MYO15A: variants seen among roughly 807,000 people sequenced by gnomAD.
MYO15A encodes the protein myosin XVA.
In MYO15A, 308 loss-of-function variants were observed where a neutral mutation model predicts 394.6. The ratio of observed to expected loss-of-function variants is 0.78; its 90% CI spans 0.71 to 0.86. The LOEUF (loss-of-function observed/expected upper bound fraction) is 0.86. Ranked by LOEUF, MYO15A falls within the 40% of genes least tolerant of loss-of-function variation. The pLI is 0.00. For synonymous variants in MYO15A, 1,957 were observed against 2,003.8 expected, an observed-to-expected ratio of 0.98 and a Z score of 0.62; for missense variants, 4,606 against 4,799.1, an observed-to-expected ratio of 0.96 and a Z score of 1.19.
At position 18,137,624 on chromosome 17, in the gene MYO15A, A is replaced by C; in HGVS notation, c.4820A>C (p.Tyr1607Ser). The change falls in exon 16 of 66, where the codon TAC (tyrosine) becomes TCC (serine). Residue 1607 changes from tyrosine (Y) to serine (S), a missense_variant. Physicochemically the swap from Tyr to Ser is moderately radical, Grantham distance 144 (BLOSUM62 -2). Around this residue, in one of 2 missense-constraint regions of MYO15A, gnomAD observed 2,776 missense variants for 3,109.3 expected, o/e 0.89. Transcript: ENST00000647165. Reference sequence around the variant, plus strand: ...AGCTTTGAGCAGCTGTGTATTAACTACGCAAACGAGAACCTTCAGTACCTT... The same window carrying C: ...AGCTTTGAGCAGCTGTGTATTAACTCCGCAAACGAGAACCTTCAGTACCTT... ...FNSFEQLCIN[Y>S]ANENLQYLFN... is the part of the protein sequence containing the mutation. 6.2e-7 allele frequency: 1 copy of C among 1,614,182 alleles called. No homozygotes were observed. Among genetic ancestry groups the C allele is most frequent in the Non-Finnish European group, 8.5e-7 (1 of 1,180,038 alleles).
Position 18,121,590 on chromosome 17 carries a change from C to T in MYO15A, c.2790C>T (p.Asp930=), listed in dbSNP as rs185688918. ...WTVPPLAPSW[D]VDMPPTQRPP... is the part of the protein sequence containing the mutation. ...TGCCCCCACTGGCCCCCAGCTGGGA[C>T]GTGGACATGCCTCCCACCCAACGCC... Residue 930 remains aspartate (D), a synonymous_variant, in exon 2 of 66, where the codon GAC becomes GAT. Transcript: ENST00000647165. The surrounding 1 kb of genome is among the most constrained non-coding windows in gnomAD (Gnocchi z 5.3). 1,580 of 1,598,696 alleles carry T rather than the reference C, an allele frequency of 9.9e-4. 12 individuals carry two copies. The African/African-American group carries it at 0.018, about 19-fold the overall frequency.
rs1294663923 is a variant in MYO15A, at chr17:18,130,813, ACTCAGT to A, written c.4038+4_4038+9del. ...CCTGGACGCTCTTGAAGATAAAGGT[ACTCAGT>A]GTGTGTGTGTGTGTGTGTGTGTGTG... is the stretch of plus-strand genomic sequence containing the variant. On this transcript the variant is annotated splice_donor_5th_base_variant and intron_variant, in intron 8 of 65. Coordinates refer to ENST00000647165, the MANE Select transcript of MYO15A (RefSeq NM_016239.4). 1 of 1,475,856 alleles carries A rather than the reference ACTCAGT, an allele frequency of 6.8e-7. No homozygotes were observed. The highest frequency in any genetic ancestry group is 2.5e-5 in the East Asian group (1 of 39,752). 91.4% of individuals were successfully genotyped at this position (1,475,856 alleles called of 1,614,324 possible).
intron 18 of MYO15A, 36 bp from the exon 19 acceptor site, chr17:18,139,498 G>T: frequency 6.2e-7 from 1 of 1,606,100 alleles, no homozygotes; most frequent in South Asian, 1.1e-5. Context: ...GAGAGACAGA[G>T]GCCAGGATTA....
chr17:18,135,887 T>TA, intron 13 of MYO15A, 63 bp downstream of exon 13: 1 of 1,471,036 alleles, frequency 6.8e-7, no homozygotes. Context: ...CAGAGCTGCT[T>TA]GTGCCGATCC....
At chr17:18,142,283 G>C in intron 24 of MYO15A, 29 bp downstream of exon 24, 1 of 1,604,390 alleles carries the variant, frequency 6.2e-7, no homozygotes, top group Non-Finnish European at 8.5e-7. Flanking sequence ...AGGATTCCTA[G>C]GAGACCTATG....
intron 48 of MYO15A, 121 bp from the exon 49 acceptor site, chr17:18,156,833 C>A: frequency 2.2e-6 from 2 of 892,948 alleles, no homozygotes; most frequent in Non-Finnish European, 1.8e-6. Flanking sequence ...TCCCTCTTCT[C>A]ACCTAATGAA....
At chr17:18,128,005 T>G (rs1412003526) in intron 7 of MYO15A, among the ~76,000 whole-genome samples, 3 of 149,790 alleles carry the variant, frequency 2.0e-5, no homozygotes, top group Non-Finnish European at 4.5e-5. Flanking sequence ...GACAAGAGAG[T>G]GGGCTCTAGG....
At chr17:18,172,086 C>A in intron 63 of MYO15A, 71 bp from the exon 64 acceptor site, 5 of 1,610,518 alleles carry the variant, frequency 3.1e-6, no homozygotes, top group Non-Finnish European at 4.2e-6. Flanking sequence ...AGAAGCTATG[C>A]AGTTCAGGGC....
rs2047051047 is a variant in MYO15A, at chr17:18,178,810, C to T, written c.10533C>T (p.Asn3511=). The T allele has an allele frequency of 6.2e-7, 1 of 1,613,880 alleles. No individual in the cohort carries two copies. Among genetic ancestry groups the T allele is most frequent in the African/African-American group, 1.3e-5 (1 of 74,882 alleles). Residue 3511 remains asparagine (N), a synonymous_variant, in exon 66 of 66, where the codon AAC becomes AAT. Coordinates refer to ENST00000647165, the MANE Select transcript of MYO15A (RefSeq NM_016239.4). ...LCRVVAVHVE[N]LLSAHEKRLT... ...GTGTGGTGGCCGTGCACGTGGAGAA[C>T]CTGCTCAGTGCCCATGAGAAGCGGC...
At chr17:18,134,230 C>G (rs1401155333) in intron 12 of MYO15A, among the ~76,000 whole-genome samples, 1 of 152,170 alleles carries the variant, frequency 6.6e-6, no homozygotes, top group African/African-American at 2.4e-5. Flanking sequence ...CCTCGTGATC[C>G]GCCCACCTCG....
Position 18,143,476 on chromosome 17 carries a change from G to T in MYO15A, c.5911-90G>T, listed in dbSNP as rs1357777949. The T allele has an allele frequency of 4.8e-6, 7 of 1,447,898 alleles. No homozygotes were observed. In the African/African-American group the frequency reaches 9.9e-5, roughly 20 times the overall value. The allele number at this position is 1,447,898 out of a possible 1,614,324, so 89.7% of individuals were successfully genotyped here. A position where few individuals can be genotyped will look rare whatever the true frequency, so the allele number is the denominator to read the frequency against. ...CAAGCTGCCCCCCTTGCTTGAGTGTGGCCGCCTTGCGTAAGCTGGCCTGGC... is the reference window on the plus strand; with the variant it reads ...CAAGCTGCCCCCCTTGCTTGAGTGTTGCCGCCTTGCGTAAGCTGGCCTGGC... On this transcript the variant is annotated intron_variant, in intron 25 of 65. Coordinates refer to ENST00000647165, the MANE Select transcript of MYO15A (RefSeq NM_016239.4).
intron 51 of MYO15A, among the ~76,000 whole-genome samples, 167 bp downstream of exon 51, chr17:18,158,067 G>A (rs1158135459): frequency 6.6e-6 from 1 of 152,210 alleles, no homozygotes; most frequent in Non-Finnish European, 1.5e-5. Context: ...TGAGCCGCAG[G>A]TGAGACCCGG....
intron 64 of MYO15A, 25 bp from the exon 65 acceptor site, chr17:18,173,756 C>T (rs1231229262): frequency 3.1e-6 from 5 of 1,613,700 alleles, no homozygotes; most frequent in Non-Finnish European, 4.2e-6. Flanking sequence ...ACAGGCCTGT[C>T]CGGCCCCTCT....
rs1428742695 is a variant in MYO15A, at chr17:18,120,405, C to T, written c.1605C>T (p.Leu535=). 5.6e-6 allele frequency: 9 copies of T among 1,605,586 alleles called. No homozygotes were observed. In the South Asian group the frequency reaches 9.9e-5, roughly 18 times the overall value. Residue 535 remains leucine, a synonymous_variant, in exon 2 of 66, where the codon CTC becomes CTT. Transcript: ENST00000647165. ...ACGGCCACCCTTTCTGGGGCTTCCTCACGCCGCGCCAGCGCAACCTCCAGC... is the reference window on the plus strand; with the variant it reads ...ACGGCCACCCTTTCTGGGGCTTCCTTACGCCGCGCCAGCGCAACCTCCAGC... ...VPYGHPFWGF[L]TPRQRNLQRA...
chr17:18,148,877 G>A lies in MYO15A; in HGVS notation c.6881G>A (p.Arg2294Lys). Residue 2294 changes from arginine to lysine, a missense_variant, in exon 33 of 66, where the codon AGG (arginine) becomes AAG (lysine). Physicochemically the swap from Arg to Lys is conservative, Grantham distance 26. Transcript: ENST00000647165. The surrounding 1 kb of genome is among the most constrained non-coding windows in gnomAD (Gnocchi z 4.8). Reference protein sequence around the residue: ...LDLVSDLELLRDFPRQKSYFI... With the variant: ...LDLVSDLELLKDFPRQKSYFI... ...CTGGTGTCGGACCTGGAGCTGCTCA[G>A]GGACTTCCCTCGACAGAAGTCCTAC... is the stretch of plus-strand genomic sequence containing the variant. 1 of 1,607,764 alleles carries A rather than the reference G, an allele frequency of 6.2e-7. No individual in the cohort carries two copies.
Position 18,145,955 on chromosome 17 carries a change from G to A in MYO15A, c.6357G>A (p.Ala2119=), listed in dbSNP as rs374951514. ...FGNYIVQKGL[A]VPELRDEILA... ...ACTACATCGTGCAGAAGGGGCTGGC[G>A]GTGCCTGAGCTGCGGGATGAGATCC... The change falls in exon 30 of 66, where the codon GCG becomes GCA. Residue 2119 remains alanine (A), a synonymous_variant. Coordinates refer to ENST00000647165, the MANE Select transcript of MYO15A (RefSeq NM_016239.4). 1.4e-4 allele frequency: 222 copies of A among 1,613,782 alleles called. No individual in the cohort carries two copies. The highest frequency in any genetic ancestry group is 1.7e-4 in the Non-Finnish European group (201 of 1,180,020).
At chr17:18,125,530 T>G in intron 4 of MYO15A, 3 of 301,860 alleles carry the variant, frequency 9.9e-6, no homozygotes, top group South Asian at 6.5e-5. Context: ...CCCTCTCTAC[T>G]AAAAATACAA....
rs779417389 is a variant in MYO15A, at chr17:18,148,814, A to C, written c.6818A>C (p.Gln2273Pro). The C allele has an allele frequency of 6.2e-7, 1 of 1,606,022 alleles. No individual in the cohort carries two copies. Residue 2273 changes from glutamine (Q) to proline (P), a missense_variant, in exon 33 of 66, where the codon CAG (glutamine) becomes CCG (proline). Around this residue, in one of 2 missense-constraint regions of MYO15A, gnomAD observed 2,776 missense variants for 3,109.3 expected, o/e 0.89. Coordinates refer to ENST00000647165, the MANE Select transcript of MYO15A (RefSeq NM_016239.4). This position sits in a 1 kb window ranked among gnomAD's most constrained non-coding sequence, Gnocchi z 4.8. ...ACCGTGGCCATGAAGAATGGTGTCC[A>C]GTGGGCAGAGCTGGCTGGCCACGAC... ...GWTVAMKNGV[Q>P]WAELAGHDYV...
rs1319472949 is a variant in MYO15A, at chr17:18,131,313, TG to T, written c.4116del (p.Lys1373SerfsTer11). The T allele has an allele frequency of 6.2e-7, 1 of 1,614,116 alleles. No homozygotes were observed. Among genetic ancestry groups the T allele is most frequent in the Admixed American group, 1.7e-5 (1 of 60,028 alleles). On this transcript the variant is annotated frameshift_variant, in exon 9 of 66. Transcript: ENST00000647165. LOFTEE classifies it high-confidence loss of function. ...TCAGGAACGACAACTCCAGCCGCTT[TG>T]GGAAGTTTGTGGAAATCTTTCTGGA... ...TVRNDNSSRF[G>X]KFVEIFLEGG...
Sources: gnomAD v4.1 joint callset for allele counts (sites outside exome capture counted in the v4.1 genomes callset) on GRCh38, gnomAD v4.1.1 for gene constraint, gnomAD v4.1.1 regional missense constraint, Gnocchi (gnomAD v3.1) non-coding constraint, MANE v1.5 for transcripts, NCBI Gene and HGNC (gene_info 2026-07-23, HGNC 2026-07-21) for gene names.